Variants in NDUFA12 observed in about 807,000 individuals in gnomAD.
NDUFA12 encodes the protein NADH dehydrogenase [ubiquinone] 1 alpha subcomplex subunit 12.
Under a neutral mutation model 20.3 loss-of-function variants are expected in NDUFA12, and 17 were observed. That is an observed-to-expected ratio of 0.84 (90% CI 0.57 to 1.26). The LOEUF (loss-of-function observed/expected upper bound fraction) is 1.26. Among genes scored for constraint, NDUFA12 ranks in the 50% most tolerant of loss-of-function variants. The probability of loss-of-function intolerance (pLI) is 0.00; values close to 1 mark genes in which losing one functional copy is unlikely to be tolerated. For synonymous variants in NDUFA12, 72 were observed against 63.6 expected, an observed-to-expected ratio of 1.13 and a Z score of -0.63; for missense variants, 191 against 183.7, an observed-to-expected ratio of 1.04 and a Z score of -0.23.
chr12:95,002,933 A>G, intron 1 of NDUFA12, 112 bp from the exon 2 acceptor site: 1 of 864,334 alleles, frequency 1.2e-6, no homozygotes. Flanking sequence ...TGCATCAACT[A>G]GCAAAATGAA....
At chr12:94,995,389 G>A (rs1874787541) in intron 2 of NDUFA12, among the ~76,000 whole-genome samples, 1 of 152,190 alleles carries the variant, frequency 6.6e-6, no homozygotes, top group Non-Finnish European at 1.5e-5. Context: ...GGTTTCATAA[G>A]TCAAGCCCTG....
At chr12:94,979,830 T>A (rs1199130453) in intron 3 of NDUFA12, among the ~76,000 whole-genome samples, 1 of 126,864 alleles carries the variant, frequency 7.9e-6, no homozygotes, top group Non-Finnish European at 1.7e-5. Flanking sequence ...AGCAAGACCC[T>A]GTCTCAAAAA....
intron 3 of NDUFA12, chr12:94,971,875 C>A (rs1021495903): frequency 1.1e-5 from 7 of 663,706 alleles, no homozygotes; most frequent in African/African-American, 9.0e-5. Flanking sequence ...AGATACGCAA[C>A]AAATGTTAGC....
intron 3 of NDUFA12, among the ~76,000 whole-genome samples, chr12:94,984,725 A>C (rs1479754959): frequency 8.3e-6 from 1 of 119,850 alleles, no homozygotes; most frequent in East Asian, 2.3e-4. Context: ...AAAAAAAAAA[A>C]ACAACAAAAA....
At chr12:94,995,268 A>G (rs77616640) in intron 2 of NDUFA12, among the ~76,000 whole-genome samples, 2,746 of 152,352 alleles carry the variant, frequency 0.018, 149 homozygotes, top group East Asian at 0.16. Flanking sequence ...ATTTCAATCA[A>G]CATTTACTGC....
intron 3 of NDUFA12, chr12:94,972,273 G>A (rs1023035929): frequency 7.1e-6 from 2 of 279,902 alleles, no homozygotes; most frequent in African/African-American, 4.5e-5. Context: ...TTTCAGACAT[G>A]CCATGATTTT....
intron 2 of NDUFA12, among the ~76,000 whole-genome samples, chr12:95,000,475 A>G (rs538487511): frequency 7.9e-5 from 12 of 152,386 alleles, no homozygotes. Flanking sequence ...AAAAATGAAT[A>G]GAATTATCTG....
In NDUFA12 at chr12:94,985,264, G is replaced by C. The variant is rs534871580; in HGVS notation, c.257+8906C>G. ...TGCTTGAGCCCAGGAGGTCAGGGCT[G>C]CAGTAAGCCATGGTCACACCACTGT... On this transcript the variant is annotated intron_variant, in intron 3 of 3. Transcript: ENST00000327772. Among the ~76,000 whole-genome samples the C allele has an allele frequency of 2.6e-5, 4 of 152,160 alleles. No individual in the cohort carries two copies. In the East Asian group the frequency reaches 7.8e-4, roughly 30 times the overall value.
At chr12:94,972,265 T>C in intron 3 of NDUFA12, 1 of 284,890 alleles carries the variant, frequency 3.5e-6, no homozygotes, top group Admixed American at 4.1e-5. Context: ...CTATCCATTT[T>C]CAGACATGCC....
At chr12:94,994,364 C>CT in intron 2 of NDUFA12, 107 bp from the exon 3 acceptor site, 1 of 822,144 alleles carries the variant, frequency 1.2e-6, no homozygotes, top group East Asian at 2.7e-5. Context: ...TTTTTGTGAT[C>CT]TTATATAAGA....
At chr12:95,000,053 T>C (rs1874969993) in intron 2 of NDUFA12, among the ~76,000 whole-genome samples, 2 of 152,166 alleles carry the variant, frequency 1.3e-5, no homozygotes, top group African/African-American at 4.8e-5. Flanking sequence ...CAATTTGTAA[T>C]TGCAAAAATA....
rs1382563193 is a variant in NDUFA12, at chr12:94,981,305, G to T, written c.258-9685C>A. On this transcript the variant is annotated intron_variant, in intron 3 of 3. Transcript: ENST00000327772. Reference sequence around the variant, plus strand: ...ACATACATACATACAAACAGTAGCCGGGCATGGTGGCCCGTGCCTGTAGCC... The same window carrying T: ...ACATACATACATACAAACAGTAGCCTGGCATGGTGGCCCGTGCCTGTAGCC... Among the ~76,000 whole-genome samples the T allele has an allele frequency of 3.7e-5, 5 of 136,218 alleles. No individual in the cohort carries two copies. In the South Asian group the frequency reaches 1.2e-3, roughly 32 times the overall value. The allele number at this position is 136,218 out of a possible 152,430, so 89.4% of individuals were successfully genotyped here. A position where few individuals can be genotyped will look rare whatever the true frequency, so the allele number is the denominator to read the frequency against.
At chr12:94,983,150 T>C (rs535860360) in intron 3 of NDUFA12, among the ~76,000 whole-genome samples, 16 of 152,228 alleles carry the variant, frequency 1.1e-4, no homozygotes, top group Admixed American at 2.6e-4. Context: ...GCCAAAAATA[T>C]TGAAGTCATC....
At chr12:95,001,992 CG>C (rs1875055154) in intron 2 of NDUFA12, among the ~76,000 whole-genome samples, 1 of 151,550 alleles carries the variant, frequency 6.6e-6, no homozygotes, top group Admixed American at 6.6e-5. Context: ...CGTGAGCCAC[CG>C]CGCCCAGCCG....
chr12:94,975,152 A>C (rs1874027053), intron 3 of NDUFA12, among the ~76,000 whole-genome samples: 1 of 152,236 alleles, frequency 6.6e-6, no homozygotes, highest in African/African-American at 2.4e-5. Context: ...TGTACCCAAA[A>C]AATTAAAATT....
intron 3 of NDUFA12, among the ~76,000 whole-genome samples, chr12:94,988,514 G>A (rs373022185): frequency 3.8e-4 from 58 of 152,126 alleles, no homozygotes; most frequent in African/African-American, 1.3e-3. Context: ...ACAAAAAGCC[G>A]AAGTATGTAC....
At chr12:94,986,718 G>A (rs1874456512) in intron 3 of NDUFA12, among the ~76,000 whole-genome samples, 1 of 152,090 alleles carries the variant, frequency 6.6e-6, no homozygotes, top group African/African-American at 2.4e-5. Flanking sequence ...CTTAAGCCCA[G>A]GAGGTTGAGG....
At chr12:95,003,465 G>C in intron 1 of NDUFA12, 130 bp downstream of exon 1, 1 of 971,870 alleles carries the variant, frequency 1.0e-6, no homozygotes, top group South Asian at 1.3e-5. Context: ...TGGCAAGGCA[G>C]AGATTGGGGC....
intron 3 of NDUFA12, among the ~76,000 whole-genome samples, chr12:94,974,525 C>T (rs886382965): frequency 1.3e-5 from 2 of 152,104 alleles, no homozygotes; most frequent in African/African-American, 2.4e-5. Context: ...ATCAGTATAT[C>T]GAAGAGACTT....
Sources: allele counts gnomAD v4.1 joint callset (sites outside exome capture counted in the v4.1 genomes callset), GRCh38; gene constraint gnomAD v4.1.1; transcripts MANE v1.5; gene names NCBI Gene and HGNC (gene_info 2026-07-23, HGNC 2026-07-21).